FHIT: variants seen among roughly 807,000 people sequenced by gnomAD.
FHIT encodes the protein bis(5'-adenosyl)-triphosphatase.
FHIT carries 19 observed loss-of-function variants against 17.9 expected under a neutral mutation model. The observed-to-expected ratio is 1.06, with a 90% CI of 0.74 to 1.56. The LOEUF (loss-of-function observed/expected upper bound fraction) is 1.56, where lower values mean the gene tolerates loss of function less well. Among genes scored for constraint, FHIT ranks in the 40% most tolerant of loss-of-function variants. The pLI, the probability that FHIT is intolerant of heterozygous loss-of-function variation, is 0.00. For synonymous variants in FHIT, 81 were observed against 69.7 expected (o/e 1.16, Z -0.81); for missense variants, 248 against 189.2 (o/e 1.31, Z -1.82).
At chr3:60,465,708 G>A (rs1485477437) in intron 5 of FHIT, among the ~76,000 whole-genome samples, 1 of 152,000 alleles carries the variant, frequency 6.6e-6, no homozygotes, top group South Asian at 2.1e-4. Flanking sequence ...GTAGATGTAT[G>A]GATTTATTTC....
At chr3:60,753,696 T>C (rs191699389) in intron 4 of FHIT, among the ~76,000 whole-genome samples, 1 of 152,252 alleles carries the variant, frequency 6.6e-6, no homozygotes, top group African/African-American at 2.4e-5. Flanking sequence ...GTACCTCTTG[T>C]GGGAACTCAC....
intron 5 of FHIT, among the ~76,000 whole-genome samples, chr3:60,221,043 T>C (rs569764328): frequency 3.3e-5 from 5 of 152,170 alleles, no homozygotes; most frequent in Non-Finnish European, 5.9e-5. Flanking sequence ...ATTTGGTATA[T>C]GATGGCTTTA....
intron 9 of FHIT, chr3:59,750,239 A>G (rs780374): frequency 0.83 from 186,596 of 224,924 alleles, 77,899 homozygotes; most frequent in African/African-American, 0.94. Context: ...TAGAAAAAGC[A>G]TTCTAAGACA....
At chr3:59,774,218 AC>A (rs1160769490) in intron 8 of FHIT, among the ~76,000 whole-genome samples, 1 of 152,236 alleles carries the variant, frequency 6.6e-6, no homozygotes, top group African/African-American at 2.4e-5. Context: ...TTATTGGAAC[AC>A]AGTCACACTC....
intron 8 of FHIT, among the ~76,000 whole-genome samples, chr3:59,888,317 A>T (rs1196440506): frequency 6.6e-6 from 1 of 152,228 alleles, no homozygotes; most frequent in Non-Finnish European, 1.5e-5. Flanking sequence ...TCTTTTAAAA[A>T]ATACTCTAAA....
chr3:59,874,250 C>G (rs1703051519), intron 8 of FHIT, among the ~76,000 whole-genome samples: 1 of 152,096 alleles, frequency 6.6e-6, no homozygotes, highest in Non-Finnish European at 1.5e-5. Flanking sequence ...CTTCTCTGGC[C>G]AAAAAACAAT....
intron 5 of FHIT, among the ~76,000 whole-genome samples, chr3:60,353,864 C>A (rs1042889077): frequency 2.6e-5 from 4 of 152,098 alleles, no homozygotes; most frequent in African/African-American, 9.7e-5. Context: ...AAGAAGTTGA[C>A]ATTCATACAG....
rs188640603 is a variant in FHIT, at chr3:60,665,258, G to T, written c.-17-128279C>A. ...ATAAAAAGTATATTCTGCTGTTGTT[G>T]GATGGAGTATTCTATATATTTCAAT... On this transcript the variant is annotated intron_variant, in intron 4 of 9. Coordinates refer to ENST00000492590, the MANE Select transcript of FHIT (RefSeq NM_002012.4). Among the ~76,000 whole-genome samples the T allele has an allele frequency of 3.9e-3, 598 of 152,028 alleles. 5 individuals carry two copies. Among genetic ancestry groups the T allele is most frequent in the Non-Finnish European group, 6.4e-3 (437 of 67,880 alleles).
intron 8 of FHIT, among the ~76,000 whole-genome samples, chr3:59,843,055 C>T (rs887610226): frequency 1.3e-5 from 2 of 151,942 alleles, no homozygotes; most frequent in African/African-American, 4.8e-5. Flanking sequence ...AAAGTTAGGT[C>T]GGAGACTCAT....
At chr3:60,988,971 A>AAAAC (rs2029922207) in intron 3 of FHIT, among the ~76,000 whole-genome samples, 6 of 146,644 alleles carry the variant, frequency 4.1e-5, no homozygotes, top group Non-Finnish European at 7.6e-5. Context: ...AAAAAAAAAA[A>AAAAC]AAAACAAGAT....
chr3:60,742,350 A>G (rs2042256518), intron 4 of FHIT, among the ~76,000 whole-genome samples: 1 of 152,218 alleles, frequency 6.6e-6, no homozygotes, highest in South Asian at 2.1e-4. Context: ...GGAAAAATCA[A>G]AAGAGACATT....
intron 2 of FHIT, among the ~76,000 whole-genome samples, chr3:61,053,119 G>A (rs2034087180): frequency 6.6e-6 from 1 of 152,166 alleles, no homozygotes; most frequent in Non-Finnish European, 1.5e-5. Flanking sequence ...CCCATCCACT[G>A]CAGGGAAGGA....
rs148920425 is a variant in FHIT, at chr3:59,979,769, G to A, written c.279+31602C>T. 9.1e-3 allele frequency among the ~76,000 whole-genome samples: 1,392 copies of A among 152,180 alleles called. 25 individuals carry two copies. Among genetic ancestry groups the A allele is most frequent in the African/African-American group, 0.031 (1,300 of 41,538 alleles). On this transcript the variant is annotated intron_variant, in intron 7 of 9. Coordinates refer to ENST00000492590, the MANE Select transcript of FHIT (RefSeq NM_002012.4). ...ACCCTGCCCATAAATGAGTAAGCCC[G>A]TGTGACAAGAGTACATGTTTTCGAA...
chr3:60,963,925 G>A (rs1298783843), intron 3 of FHIT, among the ~76,000 whole-genome samples: 1 of 152,198 alleles, frequency 6.6e-6, no homozygotes, highest in East Asian at 1.9e-4. Flanking sequence ...GGGGTGGAGA[G>A]TTCTGTAGAT....
chr3:60,674,255 T>A (rs1716713), intron 4 of FHIT, among the ~76,000 whole-genome samples: 130,759 of 151,778 alleles, frequency 0.86, 56,546 homozygotes, highest in Non-Finnish European at 0.91. Context: ...TTGTTTCTTT[T>A]TTATAGTTTA....
chr3:60,167,018 T>C (rs966508683), intron 5 of FHIT, among the ~76,000 whole-genome samples: 2 of 152,170 alleles, frequency 1.3e-5, no homozygotes, highest in African/African-American at 4.8e-5. Flanking sequence ...ACACACACCA[T>C]GCTTTGCATG....
At chr3:60,504,955 G>A (rs1014571692) in intron 5 of FHIT, among the ~76,000 whole-genome samples, 2 of 152,132 alleles carry the variant, frequency 1.3e-5, no homozygotes, top group Non-Finnish European at 2.9e-5. Context: ...ACTGCTATAC[G>A]TCAGCATGAC....
chr3:60,036,272 C>A (rs191943701), intron 5 of FHIT, among the ~76,000 whole-genome samples: 423 of 152,326 alleles, frequency 2.8e-3, no homozygotes, highest in Non-Finnish European at 4.4e-3. Flanking sequence ...TTAGATTCCA[C>A]CTCCTCCTAA....
chr3:61,224,304 A>C (rs1315569255), intron 1 of FHIT, among the ~76,000 whole-genome samples: 1 of 152,252 alleles, frequency 6.6e-6, no homozygotes, highest in Non-Finnish European at 1.5e-5. Context: ...GATTTGGTTC[A>C]TGGGTTCCAA....
Sources: allele counts gnomAD v4.1 joint callset (sites outside exome capture counted in the v4.1 genomes callset), GRCh38; gene constraint gnomAD v4.1.1; transcripts MANE v1.5; gene names NCBI Gene and HGNC (gene_info 2026-07-23, HGNC 2026-07-21).